SCAF8: variants seen among roughly 807,000 people sequenced by gnomAD.
The protein encoded by SCAF8 is SR-related CTD associated factor 8.
Under a neutral mutation model 140.5 loss-of-function variants are expected in SCAF8, and 23 were observed. The observed-to-expected ratio is 0.16, with a 90% confidence interval of 0.12 to 0.23. The LOEUF (loss-of-function observed/expected upper bound fraction) is 0.23. Ranked by LOEUF, SCAF8 falls within the 10% of genes least tolerant of loss-of-function variation. The probability of loss-of-function intolerance (pLI) is 1.00; values close to 1 mark genes in which losing one functional copy is unlikely to be tolerated. For synonymous variants in SCAF8, 575 were observed against 528.9 expected (o/e 1.09, Z -1.20); for missense variants, 1,397 against 1,555.7 (o/e 0.90, Z 1.72).
At chr6:154,806,252 T>G (rs147411418) in intron 9 of SCAF8, among the ~76,000 whole-genome samples, 23 of 152,326 alleles carry the variant, frequency 1.5e-4, no homozygotes, top group Non-Finnish European at 4.4e-5. Flanking sequence ...ATAAAATATG[T>G]TAAGTTGTAG....
rs767496825 is a variant in SCAF8, at chr6:154,795,069, T to C, written c.536T>C (p.Val179Ala). ...NVVQGLPDPW[V>A]SQITNTDTLA... ...GTCCAAGGCTTACCTGATCCGTGGGTATCTCAGATAACAAATACAGATACA... is the reference window on the plus strand; with the variant it reads ...GTCCAAGGCTTACCTGATCCGTGGGCATCTCAGATAACAAATACAGATACA... Residue 179 changes from valine to alanine, a missense_variant, in exon 6 of 20, where the codon GTA (valine) becomes GCA (alanine). Val to Ala is a moderately conservative substitution (Grantham distance 64). Around this residue, in one of 5 missense-constraint regions of SCAF8, gnomAD observed 339 missense variants for 407.5 expected, o/e 0.83. Transcript: ENST00000367178. The C allele has an allele frequency of 6.2e-7, 1 of 1,613,608 alleles. No homozygotes were observed.
At position 154,832,923 on chromosome 6, in the gene SCAF8, G is replaced by T. The variant is rs1778795577; in HGVS notation, c.3344G>T (p.Gly1115Val). The change falls in exon 20 of 20, where the codon GGC (glycine) becomes GTC (valine). Residue 1115 changes from glycine (G) to valine (V), a missense_variant. Transcript: ENST00000367178. Reference protein sequence around the residue: ...RVLPVYGGPKGLHEERGRFRS... With the variant: ...RVLPVYGGPKVLHEERGRFRS... ...CTACCGGTCTATGGTGGTCCAAAAG[G>T]CTTACATGAAGAAAGAGGTAGATTT... is the stretch of plus-strand genomic sequence containing the variant. 6.2e-7 allele frequency: 1 copy of T among 1,614,010 alleles called. No individual in the cohort carries two copies. Among genetic ancestry groups the T allele is most frequent in the Admixed American group, 1.7e-5 (1 of 59,992 alleles).
chr6:154,786,432 A>C (rs1007139031), intron 3 of SCAF8, among the ~76,000 whole-genome samples: 4 of 152,268 alleles, frequency 2.6e-5, no homozygotes, highest in African/African-American at 9.6e-5. Context: ...TCTTGCAGCC[A>C]GAGGCTGCGT....
rs1778807109 is a variant in SCAF8 at position 154,833,287 on chromosome 6, T to C, written c.3708T>C (p.Leu1236=). 4 of 1,613,838 alleles carry C rather than the reference T, an allele frequency of 2.5e-6. No individual in the cohort carries two copies. Among genetic ancestry groups the C allele is most frequent in the Non-Finnish European group, 3.4e-6 (4 of 1,179,966 alleles). ...PPIPVQNDPE[L]YEKLTSSNEI... ...TACCAGTACAGAATGATCCTGAACT[T>C]TATGAAAAACTGACATCTTCAAATG... The change falls in exon 20 of 20, where the codon CTT becomes CTC. Residue 1236 remains leucine, a synonymous_variant. Transcript: ENST00000367178.
At position 154,733,796 on chromosome 6, in the gene SCAF8, GC is replaced by G; in HGVS notation, c.-100del. 1 of 1,412,504 alleles carries G rather than the reference GC, an allele frequency of 7.1e-7. No homozygotes were observed. Among genetic ancestry groups the G allele is most frequent in the Non-Finnish European group, 9.2e-7 (1 of 1,085,052 alleles). The allele number at this position is 1,412,504 out of a possible 1,614,324, so 87.5% of individuals were successfully genotyped here. On this transcript the variant is annotated 5_prime_UTR_variant, in exon 1 of 20. Transcript: ENST00000367178. ...CGCAGCGGCCCGCTCTCCCGCCAGC[GC>G]CCCCTCCTCGCGGCCACGCAGCAGC...
chr6:154,825,522 AAGT>A (rs750630579), intron 17 of SCAF8, among the ~76,000 whole-genome samples: 2 of 151,788 alleles, frequency 1.3e-5, no homozygotes, highest in Non-Finnish European at 2.9e-5. Context: ...AAAAATAAGA[AAGT>A]AGCCAGGTGA....
chr6:154,759,157 G>C (rs1330600044), intron 1 of SCAF8, among the ~76,000 whole-genome samples: 1 of 152,144 alleles, frequency 6.6e-6, no homozygotes, highest in Non-Finnish European at 1.5e-5. Context: ...TTTGTCTTGA[G>C]TTGGGGATTT....
chr6:154,794,464 A>C (rs1343470236), intron 5 of SCAF8, among the ~76,000 whole-genome samples: 1 of 152,146 alleles, frequency 6.6e-6, no homozygotes, highest in African/African-American at 2.4e-5. Context: ...TAGTACAATA[A>C]GATATTTTGA....
At chr6:154,800,649 G>A (rs1238168015) in intron 6 of SCAF8, among the ~76,000 whole-genome samples, 1 of 149,214 alleles carries the variant, frequency 6.7e-6, no homozygotes, top group Non-Finnish European at 1.5e-5. Flanking sequence ...TGGAAAGGAG[G>A]GTAATGATTA....
At chr6:154,779,207 G>A (rs1212786237) in intron 3 of SCAF8, among the ~76,000 whole-genome samples, 1 of 151,930 alleles carries the variant, frequency 6.6e-6, no homozygotes, top group South Asian at 2.1e-4. Flanking sequence ...TAATTTTTTT[G>A]TATTTTTAGT....
chr6:154,766,349 ATG>A (rs1176132032), intron 1 of SCAF8, among the ~76,000 whole-genome samples: 1 of 152,180 alleles, frequency 6.6e-6, no homozygotes, highest in Non-Finnish European at 1.5e-5. Context: ...TTCTCTAAAA[ATG>A]TTTCTATACC....
At chr6:154,756,202 G>T (rs1313134295) in intron 1 of SCAF8, among the ~76,000 whole-genome samples, 13 of 152,184 alleles carry the variant, frequency 8.5e-5, no homozygotes, top group Non-Finnish European at 4.4e-5. Flanking sequence ...ATGCATATGG[G>T]AGTGTGAGGA....
chr6:154,762,453 C>T (rs937738711), intron 1 of SCAF8, among the ~76,000 whole-genome samples: 1 of 152,066 alleles, frequency 6.6e-6, no homozygotes, highest in Non-Finnish European at 1.5e-5. Context: ...TCCTAGTAGC[C>T]ATTGGTCCCA....
rs531651591 is a variant in SCAF8, at chr6:154,800,357, A to G, written c.607-1614A>G. Reference sequence around the variant, plus strand: ...AATGAATGATGTACAAAAGCATTACAGTGTTGGAGATACAAAGGATATTGT... The same window carrying G: ...AATGAATGATGTACAAAAGCATTACGGTGTTGGAGATACAAAGGATATTGT... On this transcript the variant is annotated intron_variant, in intron 6 of 19. Coordinates refer to ENST00000367178, the MANE Select transcript of SCAF8 (RefSeq NM_014892.5). Among the ~76,000 whole-genome samples, 3 of 151,666 alleles carry G rather than the reference A, an allele frequency of 2.0e-5. No homozygotes were observed. In the East Asian group the frequency reaches 5.8e-4, roughly 29 times the overall value.
Position 154,833,555 on chromosome 6 carries a change from G to T in SCAF8, c.*160G>T, listed in dbSNP as rs1398630101. On this transcript the variant is annotated 3_prime_UTR_variant, in exon 20 of 20. Coordinates refer to ENST00000367178, the MANE Select transcript of SCAF8 (RefSeq NM_014892.5). ...CTTAAAATAATTGTACAACTGACTT[G>T]TATAGACATTGTTCTTAATATGAAC... The T allele has an allele frequency of 4.6e-6, 3 of 649,982 alleles. No homozygotes were observed. Among genetic ancestry groups the T allele is most frequent in the Non-Finnish European group, 5.0e-6 (2 of 398,536 alleles). The allele number at this position is 649,982 out of a possible 1,614,324, so 40.3% of individuals were successfully genotyped here. A position where few individuals can be genotyped will look rare whatever the true frequency, so the allele number is the denominator to read the frequency against.
intron 19 of SCAF8, 45 bp downstream of exon 19, chr6:154,831,185 TA>T: frequency 8.2e-7 from 1 of 1,213,272 alleles, no homozygotes. Flanking sequence ...TGCCTCTCTG[TA>T]TTTGGTGTTT....
At chr6:154,784,122 T>TAGATATATATATATATATATAC (rs1319572894) in intron 3 of SCAF8, among the ~76,000 whole-genome samples, 2 of 18,690 alleles carry the variant, frequency 1.1e-4, no homozygotes, top group African/African-American at 5.8e-4. Flanking sequence ...TGTCTTGAGA[T>TAGATATATATATATATATATAC]ATATATATAT....
Position 154,799,409 on chromosome 6 carries a change from G to A in SCAF8, c.607-2562G>A, listed in dbSNP as rs576552281. On this transcript the variant is annotated intron_variant, in intron 6 of 19. Coordinates refer to ENST00000367178, the MANE Select transcript of SCAF8 (RefSeq NM_014892.5). ...ATTACAGGCACAAGCCATCGTGCCT[G>A]CACTAAAATCCCAAGTTTCAGCAGT... Among the ~76,000 whole-genome samples the A allele has an allele frequency of 8.2e-4, 124 of 151,424 alleles. 6 individuals are homozygous for A. Among genetic ancestry groups the A allele is most frequent in the South Asian group, 2.3e-3 (11 of 4,816 alleles).
intron 9 of SCAF8, among the ~76,000 whole-genome samples, chr6:154,807,266 C>T (rs1167590080): frequency 2.0e-5 from 3 of 152,158 alleles, no homozygotes; most frequent in Admixed American, 1.3e-4. Context: ...TAGTTAATTA[C>T]TCTATATATC....
Sources: allele counts gnomAD v4.1 joint callset (sites outside exome capture counted in the v4.1 genomes callset), GRCh38; gene constraint gnomAD v4.1.1; regional missense constraint gnomAD v4.1.1; transcripts MANE v1.5; gene names NCBI Gene and HGNC (gene_info 2026-07-23, HGNC 2026-07-21).